SGIP1: variants seen among roughly 807,000 people sequenced by gnomAD.
The protein encoded by SGIP1 is SH3GL interacting endocytic adaptor 1, also known as SH3-containing GRB2-like protein 3-interacting protein 1.
SGIP1 carries 38 observed loss-of-function variants against 107.5 expected under a neutral mutation model. The ratio of observed to expected loss-of-function variants is 0.35; its 90% confidence interval spans 0.27 to 0.46. The LOEUF is 0.46. Among genes scored for constraint, SGIP1 ranks in the 20% least tolerant of loss-of-function variants. The probability of loss-of-function intolerance (pLI) is 1.00; values close to 1 mark genes in which losing one functional copy is unlikely to be tolerated. For missense variants in SGIP1, 929 were observed against 1,019.5 expected (o/e 0.91, Z 1.21); for synonymous variants, 365 against 366.1 (o/e 1.00, Z 0.03).
chr1:66,694,631 C>T, intron 17 of SGIP1: 1 of 625,702 alleles, frequency 1.6e-6, no homozygotes, highest in South Asian at 3.3e-5. Context: ...CTCAGATGCA[C>T]CCTGTATATT....
chr1:66,562,058 T>A (rs1427108777), intron 1 of SGIP1, among the ~76,000 whole-genome samples: 1 of 151,894 alleles, frequency 6.6e-6, no homozygotes, highest in Non-Finnish European at 1.5e-5. Flanking sequence ...AGATTTCTTC[T>A]GTATCAGTTT....
rs1412860584 is a variant in SGIP1, at chr1:66,642,886, AT to A, written c.283+26del. 2.5e-6 allele frequency: 4 copies of A among 1,587,596 alleles called. No homozygotes were observed. In the African/African-American group the frequency reaches 5.5e-5, roughly 22 times the overall value. On this transcript the variant is annotated intron_variant, in intron 6 of 24. Transcript: ENST00000371037. ...GGCTATATCCTTTCTTTATTTTTTT[AT>A]TTTAATTTTCATTCACTCTCAGAAA...
intron 8 of SGIP1, among the ~76,000 whole-genome samples, chr1:66,662,015 T>A (rs1427952252): frequency 6.6e-6 from 1 of 152,180 alleles, no homozygotes; most frequent in East Asian, 1.9e-4. Flanking sequence ...TATGTCTGAT[T>A]GAATATAATA....
chr1:66,556,193 A>G (rs981749402), intron 1 of SGIP1, among the ~76,000 whole-genome samples: 5 of 152,162 alleles, frequency 3.3e-5, no homozygotes, highest in African/African-American at 1.2e-4. Context: ...TTGCTTATTC[A>G]TAATCCCCGG....
chr1:66,549,545 A>T (rs1345273732), intron 1 of SGIP1, among the ~76,000 whole-genome samples: 1 of 152,180 alleles, frequency 6.6e-6, no homozygotes, highest in South Asian at 2.1e-4. Context: ...ATGTGTGTGT[A>T]GAGTCAAACA....
At chr1:66,575,421 G>A (rs2060928318) in intron 1 of SGIP1, among the ~76,000 whole-genome samples, 3 of 152,104 alleles carry the variant, frequency 2.0e-5, no homozygotes, top group Admixed American at 6.6e-5. Context: ...ACTTGTAGAT[G>A]CATCCCCAAA....
chr1:66,631,656 T>G (rs1314628720), intron 2 of SGIP1, among the ~76,000 whole-genome samples: 1 of 149,976 alleles, frequency 6.7e-6, no homozygotes. Flanking sequence ...TGCATTGCTC[T>G]CTCTCTCTCT....
In SGIP1 at chr1:66,746,006, A is replaced by G. The variant is rs1218494447; in HGVS notation, c.*2911A>G. 1 of 152,142 alleles carries G rather than the reference A, an allele frequency of 6.6e-6. No individual in the cohort carries two copies. Among genetic ancestry groups the G allele is most frequent in the East Asian group, 1.9e-4 (1 of 5,204 alleles). The allele number at this position is 152,142 out of a possible 1,614,324, so 9.4% of individuals were successfully genotyped here. A position where few individuals can be genotyped will look rare whatever the true frequency, so the allele number is the denominator to read the frequency against. ...TATTTGGGAATATATTTCACCTGTA[A>G]AAGAAAGAATGTCCACAATTCAAAC... On this transcript the variant is annotated 3_prime_UTR_variant, in exon 25 of 25. Transcript: ENST00000371037.
chr1:66,729,140 G>A, intron 19 of SGIP1, 124 bp from the exon 20 acceptor site: 9 of 1,104,912 alleles, frequency 8.1e-6, no homozygotes, highest in Non-Finnish European at 1.2e-5. Flanking sequence ...GGAATTGTAA[G>A]AGCCTGCCTT....
chr1:66,617,243 T>G (rs2069571705), intron 1 of SGIP1, among the ~76,000 whole-genome samples: 1 of 152,200 alleles, frequency 6.6e-6, no homozygotes, highest in South Asian at 2.1e-4. Flanking sequence ...ATTTTCTACT[T>G]CCTGGCACTT....
intron 4 of SGIP1, 25 bp from the exon 5 acceptor site, chr1:66,639,752 A>G (rs773319084): frequency 6.3e-7 from 1 of 1,578,128 alleles, no homozygotes; most frequent in Non-Finnish European, 8.7e-7. Context: ...TTTTCCTTCT[A>G]AATTCATTTT....
intron 18 of SGIP1, chr1:66,704,458 T>C (rs1006152927): frequency 1.3e-5 from 2 of 152,152 alleles, no homozygotes; most frequent in Admixed American, 1.3e-4. Context: ...TGATGGGAGA[T>C]GTGGCAGAAA....
chr1:66,593,810 G>A (rs2064102269), intron 1 of SGIP1, among the ~76,000 whole-genome samples: 1 of 151,836 alleles, frequency 6.6e-6, no homozygotes, highest in South Asian at 2.1e-4. Context: ...GCCCATTTCG[G>A]GTCCTCATTT....
intron 17 of SGIP1, chr1:66,695,030 A>G (rs936744347): frequency 3.4e-5 from 11 of 325,242 alleles, no homozygotes; most frequent in Non-Finnish European, 5.5e-5. Flanking sequence ...CTCTGAGTTT[A>G]TCTTTTTGGA....
intron 1 of SGIP1, among the ~76,000 whole-genome samples, chr1:66,606,024 G>A (rs1353822514): frequency 6.6e-6 from 1 of 152,172 alleles, no homozygotes; most frequent in Non-Finnish European, 1.5e-5. Context: ...GGGAAGATCT[G>A]AGGTGTCTTA....
chr1:66,560,413 T>C (rs1325671151), intron 1 of SGIP1, among the ~76,000 whole-genome samples: 1 of 152,068 alleles, frequency 6.6e-6, no homozygotes, highest in Non-Finnish European at 1.5e-5. Context: ...AACGCTTTCT[T>C]GATCCAGTCC....
intron 21 of SGIP1, among the ~76,000 whole-genome samples, chr1:66,738,827 A>T (rs1490161490): frequency 6.6e-6 from 1 of 152,202 alleles, no homozygotes; most frequent in Non-Finnish European, 1.5e-5. Flanking sequence ...GGTGACATTT[A>T]TCAAAATGTA....
chr1:66,678,800 C>T (rs1348747710), intron 13 of SGIP1, among the ~76,000 whole-genome samples: 1 of 152,202 alleles, frequency 6.6e-6, no homozygotes, highest in African/African-American at 2.4e-5. Flanking sequence ...CGCTCTCCAG[C>T]CATGTGCCTA....
intron 18 of SGIP1, among the ~76,000 whole-genome samples, chr1:66,718,157 A>T (rs1408398007): frequency 6.6e-6 from 1 of 152,106 alleles, no homozygotes; most frequent in Non-Finnish European, 1.5e-5. Flanking sequence ...AGACTTGGAG[A>T]AGAGGACAAA....
Sources: allele counts gnomAD v4.1 joint callset (sites outside exome capture counted in the v4.1 genomes callset), GRCh38; gene constraint gnomAD v4.1.1; transcripts MANE v1.5; gene names NCBI Gene and HGNC (gene_info 2026-07-23, HGNC 2026-07-21).